The following TF variants were observed in gnomAD, a reference collection of about 807,000 sequenced individuals.
TF encodes the protein transferrin.
TF carries 55 observed loss-of-function variants against 82.4 expected under a neutral mutation model. That is an observed-to-expected ratio of 0.67 (90% CI 0.54 to 0.84). The LOEUF (loss-of-function observed/expected upper bound fraction) is 0.84, where lower values mean the gene tolerates loss of function less well. TF is among the 40% of genes least tolerant of loss of function. The probability of loss-of-function intolerance (pLI) is 0.00; values close to 1 mark genes in which losing one functional copy is unlikely to be tolerated. For synonymous variants in TF, 332 were observed against 332.6 expected (o/e 1.00, Z 0.02); for missense variants, 737 against 868.4 (o/e 0.85, Z 1.90).
the TF span, among the ~76,000 whole-genome samples, chr3:133,683,881 C>G: frequency 6.6e-6 from 1 of 152,202 alleles, no homozygotes; most frequent in South Asian, 2.1e-4. Flanking sequence ...CTCTCCACCC[C>G]AAATCAACAG....
chr3:133,769,108 T>C (rs1934198989), intron 13 of TF, among the ~76,000 whole-genome samples: 1 of 152,198 alleles, frequency 6.6e-6, no homozygotes, highest in African/African-American at 2.4e-5. Context: ...TATTACTTTT[T>C]AACTACCCAT....
the TF span, among the ~76,000 whole-genome samples, chr3:133,682,782 T>C: frequency 8.5e-5 from 13 of 152,324 alleles, no homozygotes; most frequent in Non-Finnish European, 1.3e-4. Context: ...GAAAACACTC[T>C]TCAGGATATT....
At position 133,794,175 on chromosome 3, in the gene TF, C is replaced by T. The variant is rs1173662483; in HGVS notation, c.*15555C>T. 1 of 152,130 alleles carries T rather than the reference C, an allele frequency of 6.6e-6. No individual in the cohort carries two copies. The highest frequency in any genetic ancestry group is 1.5e-5 in the Non-Finnish European group (1 of 68,022). 9.4% of individuals were successfully genotyped at this position (152,130 alleles called of 1,614,324 possible). On this transcript the variant is annotated 3_prime_UTR_variant, in exon 17 of 17. Coordinates refer to ENST00000402696, the MANE Select transcript of TF (RefSeq NM_001063.4). Reference sequence around the variant, plus strand: ...GGAGAACCAGGATGGCCACCTTGTCCTTCCTAAGTCGTTAAAGCTTTTGTT... The same window carrying T: ...GGAGAACCAGGATGGCCACCTTGTCTTTCCTAAGTCGTTAAAGCTTTTGTT...
At chr3:133,706,788 C>T in the TF span, among the ~76,000 whole-genome samples, 20 of 152,102 alleles carry the variant, frequency 1.3e-4, no homozygotes, top group Admixed American at 2.6e-4. Context: ...CCCTGCACAG[C>T]CCACCCTGCA....
rs1399806342 is a variant in TF at position 133,790,580 on chromosome 3, A to G, written c.*11960A>G. Reference sequence around the variant, plus strand: ...GATAGAGAATTGGAGATATTTGGCTAATTAACATTTTCATAGTGAAAGCTG... The same window carrying G: ...GATAGAGAATTGGAGATATTTGGCTGATTAACATTTTCATAGTGAAAGCTG... On this transcript the variant is annotated 3_prime_UTR_variant, in exon 17 of 17. Coordinates refer to ENST00000402696, the MANE Select transcript of TF (RefSeq NM_001063.4). 6.6e-6 allele frequency: 1 copy of G among 152,276 alleles called. No individual in the cohort carries two copies. The highest frequency in any genetic ancestry group is 2.4e-5 in the African/African-American group (1 of 41,478). The allele number at this position is 152,276 out of a possible 1,614,324, so 9.4% of individuals were successfully genotyped here.
the TF span, among the ~76,000 whole-genome samples, chr3:133,708,079 TAAAC>T: frequency 5.9e-5 from 9 of 152,186 alleles, no homozygotes; most frequent in African/African-American, 1.9e-4. Flanking sequence ...CAGAAAAACT[TAAAC>T]AAGTGCATAC....
the TF span, among the ~76,000 whole-genome samples, chr3:133,675,242 CAAAAAAA>C: frequency 1.8e-5 from 1 of 55,452 alleles, no homozygotes; most frequent in Non-Finnish European, 3.2e-5. Context: ...GAGACTCTGT[CAAAAAAA>C]AAAAAAAAAA....
rs776546689 is a variant in TF, at chr3:133,756,895, G to A, written c.756G>A (p.Lys252=). 5.0e-6 allele frequency: 8 copies of A among 1,614,082 alleles called. No individual in the cohort carries two copies. Among genetic ancestry groups the A allele is most frequent in the Non-Finnish European group, 5.9e-6 (7 of 1,180,044 alleles). Residue 252 remains lysine, a synonymous_variant, in exon 7 of 17, where the codon AAG becomes AAA. Coordinates refer to ENST00000402696, the MANE Select transcript of TF (RefSeq NM_001063.4). ...TGCTTTGCCTGGACAACACCCGGAA[G>A]CCGGTAGATGAATACAAGGACTGCC... The part of the protein sequence containing the change: ...YELLCLDNTR[K]PVDEYKDCHL...
Position 133,793,334 on chromosome 3 carries a change from A to C in TF, c.*14714A>C, listed in dbSNP as rs747032413. 3 of 152,156 alleles carry C rather than the reference A, an allele frequency of 2.0e-5. No homozygotes were observed. The highest frequency in any genetic ancestry group is 4.4e-5 in the Non-Finnish European group (3 of 67,990). 9.4% of individuals were successfully genotyped at this position (152,156 alleles called of 1,614,324 possible). On this transcript the variant is annotated 3_prime_UTR_variant, in exon 17 of 17. Transcript: ENST00000402696. ...CCATTTCATAATGTCAAGTGTTTTA[A>C]ATCTTTAACATATTTAATAGGCTTC...
the TF span, among the ~76,000 whole-genome samples, chr3:133,687,988 C>T: frequency 2.0e-5 from 3 of 151,868 alleles, no homozygotes. Flanking sequence ...CTGTGTTTAA[C>T]TTTTGGTGGA....
intron 1 of TF, 87 bp downstream of exon 1, chr3:133,746,570 C>T: frequency 7.0e-7 from 1 of 1,436,882 alleles, no homozygotes; most frequent in Non-Finnish European, 9.5e-7. Context: ...CCTGCATGCA[C>T]TCCGCGCTCA....
At chr3:133,701,249 C>A in the TF span, 1 of 152,162 alleles carries the variant, frequency 6.6e-6, no homozygotes, top group African/African-American at 2.4e-5. Flanking sequence ...CCTTCATATT[C>A]TAGAAAACTT....
rs1240867909 is a variant in TF at position 133,775,398 on chromosome 3, A to G, written c.1688-35A>G. On this transcript the variant is annotated intron_variant, in intron 14 of 16. Transcript: ENST00000402696. Reference sequence around the variant, plus strand: ...CTCCCCAGCGGGGCACCTTGACCAAAGCCATCAGCTGAACCACCTTCTTCC... The same window carrying G: ...CTCCCCAGCGGGGCACCTTGACCAAGGCCATCAGCTGAACCACCTTCTTCC... The G allele has an allele frequency of 2.5e-6, 4 of 1,613,148 alleles. No homozygotes were observed. The African/African-American group carries it at 5.3e-5, about 22-fold the overall frequency.
rs776669583 is a variant in TF, at chr3:133,766,271, C to T, written c.1331-7C>T. 7 of 1,613,870 alleles carry T rather than the reference C, an allele frequency of 4.3e-6. No individual in the cohort carries two copies. The East Asian group carries it at 1.6e-4, about 36-fold the overall frequency. ...TAATACATCCTTTTCTGGTGTCTTTCTTGTAGGGTATTTTGCTATAGCAGT... is the reference window on the plus strand; with the variant it reads ...TAATACATCCTTTTCTGGTGTCTTTTTTGTAGGGTATTTTGCTATAGCAGT... On this transcript the variant is annotated splice_region_variant and splice_polypyrimidine_tract_variant and intron_variant, in intron 11 of 16. Coordinates refer to ENST00000402696, the MANE Select transcript of TF (RefSeq NM_001063.4).
chr3:133,744,256 A>C (rs1933448230), upstream of TF, among the ~76,000 whole-genome samples: 1 of 152,190 alleles, frequency 6.6e-6, no homozygotes, highest in South Asian at 2.1e-4. Context: ...TTAGTCTACG[A>C]ATGTAGATGG....
At chr3:133,726,907 T>C in the TF span, among the ~76,000 whole-genome samples, 83 of 152,200 alleles carry the variant, frequency 5.5e-4, no homozygotes, top group African/African-American at 1.3e-3. Context: ...GCCTTCATTT[T>C]GTTATGTACC....
At chr3:133,679,592 T>TTTTTTTC in the TF span, among the ~76,000 whole-genome samples, 1 of 149,624 alleles carries the variant, frequency 6.7e-6, no homozygotes, top group African/African-American at 2.5e-5. Flanking sequence ...TTTTTTTTTT[T>TTTTTTTC]TACTCAGCAT....
chr3:133,673,613 T>C, the TF span, among the ~76,000 whole-genome samples: 1 of 152,230 alleles, frequency 6.6e-6, no homozygotes, highest in Admixed American at 6.5e-5. Context: ...ATTGTACGTA[T>C]GGTATGATTC....
At chr3:133,753,150 G>T (rs1205955816) in intron 2 of TF, among the ~76,000 whole-genome samples, 1 of 152,208 alleles carries the variant, frequency 6.6e-6, no homozygotes, top group Non-Finnish European at 1.5e-5. Context: ...GGCTAGGAAT[G>T]AAAACAGGTG....
Sources: gnomAD v4.1 joint callset for allele counts (sites outside exome capture counted in the v4.1 genomes callset) on GRCh38, gnomAD v4.1.1 for gene constraint, MANE v1.5 for transcripts, NCBI Gene and HGNC (gene_info 2026-07-23, HGNC 2026-07-21) for gene names.